The following DOCK1 variants were observed in gnomAD, a reference collection of about 807,000 sequenced individuals.
The protein encoded by DOCK1 is dedicator of cytokinesis 1.
DOCK1 carries 138 observed loss-of-function variants against 262.7 expected under a neutral mutation model. The ratio of observed to expected loss-of-function variants is 0.53; its 90% CI spans 0.46 to 0.61. The LOEUF is 0.61. Among genes scored for constraint, DOCK1 ranks in the 20% least tolerant of loss-of-function variants. The probability of loss-of-function intolerance (pLI) is 0.00; values close to 1 mark genes in which losing one functional copy is unlikely to be tolerated. For missense variants in DOCK1, 1,908 were observed against 2,370.7 expected, an observed-to-expected ratio of 0.80 and a Z score of 4.05; for synonymous variants, 866 against 867.4, an observed-to-expected ratio of 1.00 and a Z score of 0.03.
chr10:127,009,685 C>T (rs768098433), intron 11 of DOCK1, among the ~76,000 whole-genome samples: 5 of 152,126 alleles, frequency 3.3e-5, no homozygotes, highest in African/African-American at 4.8e-5. Context: ...TATTCTTAAT[C>T]GACTTCAGAC....
At chr10:127,153,337 T>C (rs2052695617) in intron 27 of DOCK1, among the ~76,000 whole-genome samples, 1 of 152,156 alleles carries the variant, frequency 6.6e-6, no homozygotes, top group Non-Finnish European at 1.5e-5. Context: ...AAACTTCAAA[T>C]TAAAAACCAC....
intron 27 of DOCK1, among the ~76,000 whole-genome samples, chr10:127,211,203 G>A (rs987356725): frequency 6.6e-6 from 1 of 152,124 alleles, no homozygotes; most frequent in Non-Finnish European, 1.5e-5. Context: ...CTGCAGGAAG[G>A]GCAGCTAAGG....
intron 29 of DOCK1, 62 bp downstream of exon 29, chr10:127,257,491 C>A: frequency 1.4e-6 from 2 of 1,465,892 alleles, no homozygotes; most frequent in Non-Finnish European, 9.4e-7. Flanking sequence ...CTGCTGGGAA[C>A]AGTGGTGTTG....
intron 10 of DOCK1, among the ~76,000 whole-genome samples, chr10:127,006,879 G>A (rs975025471): frequency 6.6e-6 from 1 of 151,400 alleles, no homozygotes; most frequent in Non-Finnish European, 1.5e-5. Context: ...TGTGAGGGTG[G>A]GCCTGCTCGG....
chr10:126,921,148 C>G (rs560713203), intron 1 of DOCK1, among the ~76,000 whole-genome samples: 2 of 149,034 alleles, frequency 1.3e-5, no homozygotes, highest in African/African-American at 5.0e-5. Context: ...TGCAGTGAGC[C>G]GAGGTCGCAC....
chr10:126,987,444 T>C, intron 4 of DOCK1, 77 bp from the exon 5 acceptor site: 1 of 1,200,818 alleles, frequency 8.3e-7, no homozygotes, highest in Non-Finnish European at 1.2e-6. Flanking sequence ...ATGGCCTAGA[T>C]GTGAAATTTA....
intron 38 of DOCK1, among the ~76,000 whole-genome samples, chr10:127,388,875 CTAA>C (rs2066295314): frequency 6.6e-6 from 1 of 151,746 alleles, no homozygotes; most frequent in Non-Finnish European, 1.5e-5. Context: ...ACAGGTGAGT[CTAA>C]CAATCAAGGG....
intron 18 of DOCK1, among the ~76,000 whole-genome samples, chr10:127,036,457 T>G (rs1183652167): frequency 6.6e-6 from 1 of 152,250 alleles, no homozygotes; most frequent in Non-Finnish European, 1.5e-5. Context: ...AGAGTTTGTT[T>G]TTTTTTTCTT....
intron 29 of DOCK1, among the ~76,000 whole-genome samples, chr10:127,302,187 C>T (rs2135437254): frequency 6.6e-6 from 1 of 152,120 alleles, no homozygotes; most frequent in African/African-American, 2.4e-5. Flanking sequence ...TCAGGTTTGG[C>T]CTGGCTTGGC....
chr10:127,449,871 C>T (rs2070841843), intron 51 of DOCK1, among the ~76,000 whole-genome samples: 2 of 152,092 alleles, frequency 1.3e-5, no homozygotes, highest in Non-Finnish European at 2.9e-5. Flanking sequence ...GTAATCTGAG[C>T]TTACTGAGTT....
chr10:127,240,454 T>G (rs1590079665), intron 27 of DOCK1, among the ~76,000 whole-genome samples: 1 of 152,146 alleles, frequency 6.6e-6, no homozygotes, highest in East Asian at 1.9e-4. Context: ...ATGGGAAAGG[T>G]TTTATGAGTT....
intron 23 of DOCK1, among the ~76,000 whole-genome samples, chr10:127,082,595 C>T (rs534230466): frequency 5.2e-4 from 79 of 152,216 alleles, no homozygotes; most frequent in African/African-American, 1.7e-3. Context: ...TACCTCCCAC[C>T]GAGTCCCTCC....
At chr10:127,326,540 T>C (rs1429229169) in intron 29 of DOCK1, among the ~76,000 whole-genome samples, 2 of 152,206 alleles carry the variant, frequency 1.3e-5, no homozygotes, top group African/African-American at 4.8e-5. Context: ...ATTCTAGTTC[T>C]CTGCTATTTC....
At chr10:127,120,878 T>C (rs1370961707) in intron 25 of DOCK1, among the ~76,000 whole-genome samples, 3 of 152,328 alleles carry the variant, frequency 2.0e-5, no homozygotes, top group East Asian at 1.9e-4. Context: ...CTTTGTATAA[T>C]ACTATACCTT....
At chr10:127,049,488 G>A (rs780824446) in intron 21 of DOCK1, among the ~76,000 whole-genome samples, 10 of 151,940 alleles carry the variant, frequency 6.6e-5, no homozygotes, top group African/African-American at 1.5e-4. Context: ...GCTACTGCAC[G>A]CCAGCCTGAG....
intron 18 of DOCK1, among the ~76,000 whole-genome samples, chr10:127,036,674 A>G (rs1205325629): frequency 1.3e-5 from 2 of 151,964 alleles, no homozygotes; most frequent in Non-Finnish European, 2.9e-5. Flanking sequence ...CTGACTTCTT[A>G]CCTTAAAGAA....
chr10:127,136,777 T>G (rs1453180858), intron 27 of DOCK1: 1 of 152,656 alleles, frequency 6.6e-6, no homozygotes, highest in Non-Finnish European at 1.5e-5. Context: ...GGCGACATTG[T>G]CCCTTGGTAG....
chr10:127,017,059 AGATGCAGACAC>A (rs2042006607), intron 12 of DOCK1, among the ~76,000 whole-genome samples: 12 of 132,088 alleles, frequency 9.1e-5, no homozygotes, highest in African/African-American at 4.3e-4. Flanking sequence ...ACACACACAC[AGATGCAGACAC>A]CATAAACACA....
At chr10:127,387,846 A>C (rs77638911) in intron 38 of DOCK1, among the ~76,000 whole-genome samples, 1 of 125,826 alleles carries the variant, frequency 7.9e-6, no homozygotes. Flanking sequence ...ATGATAAATC[A>C]AAAAACAGAG....
Sources: allele counts gnomAD v4.1 joint callset (sites outside exome capture counted in the v4.1 genomes callset), GRCh38; gene constraint gnomAD v4.1.1; transcripts MANE v1.5; gene names NCBI Gene and HGNC (gene_info 2026-07-23, HGNC 2026-07-21).